Variants in CFAP92 observed in about 807,000 individuals in gnomAD.
CFAP92 encodes the protein cilia and flagella associated protein 92 (putative), also known as uncharacterized protein CFAP92.
A neutral mutation model predicts 106.3 loss-of-function variants in CFAP92; 86 were observed. The ratio of observed to expected loss-of-function variants is 0.81; its 90% confidence interval spans 0.68 to 0.97. The LOEUF (loss-of-function observed/expected upper bound fraction) is 0.97, where lower values mean the gene tolerates loss of function less well. Ranked by LOEUF, CFAP92 falls within the 50% of genes least tolerant of loss-of-function variation. The pLI is 0.00. For missense variants in CFAP92, 1,204 were observed against 1,283.8 expected (o/e 0.94, Z 0.95); for synonymous variants, 477 against 506.4 (o/e 0.94, Z 0.78).
chr3:129,010,448 C>CT, the CFAP92 span, among the ~76,000 whole-genome samples: 1 of 151,912 alleles, frequency 6.6e-6, no homozygotes, highest in African/African-American at 2.4e-5. This position sits in a 1 kb window ranked among gnomAD's most constrained non-coding sequence, Gnocchi z 4.3. Context: ...GGAGGAGAGG[C>CT]CTGGCGGCCT....
At chr3:128,931,857 TA>T (rs540031655) in intron 12 of CFAP92, among the ~76,000 whole-genome samples, 2 of 149,094 alleles carry the variant, frequency 1.3e-5, no homozygotes, top group Admixed American at 6.7e-5. Context: ...ACCCAATCTC[TA>T]AAAAAAAAGT....
At chr3:128,973,532 T>C (rs1454837170) in intron 7 of CFAP92, among the ~76,000 whole-genome samples, 1 of 151,994 alleles carries the variant, frequency 6.6e-6, no homozygotes, top group Non-Finnish European at 1.5e-5. Context: ...AGCACATGCC[T>C]GTAACCCCAG....
the CFAP92 span, among the ~76,000 whole-genome samples, chr3:129,008,957 T>C: frequency 2.8e-5 from 4 of 141,808 alleles, no homozygotes; most frequent in African/African-American, 1.0e-4. Flanking sequence ...CACAAAATAG[T>C]CCATCCCCAC....
At chr3:128,962,563 C>A (rs886295268) in intron 9 of CFAP92, among the ~76,000 whole-genome samples, 2 of 152,114 alleles carry the variant, frequency 1.3e-5, no homozygotes. Flanking sequence ...TCCTTTGCGT[C>A]CTCCTCTTGT....
chr3:128,959,185 G>T (rs1047047261), intron 9 of CFAP92, among the ~76,000 whole-genome samples: 2 of 151,954 alleles, frequency 1.3e-5, no homozygotes, highest in African/African-American at 4.8e-5. Context: ...ACTCCAGCCT[G>T]GGCAACAAGA....
intron 6 of CFAP92, 35 bp downstream of exon 6, chr3:128,976,944 C>T (rs894963416): frequency 2.6e-6 from 4 of 1,546,808 alleles, no homozygotes; most frequent in Non-Finnish European, 3.6e-6. Flanking sequence ...AGAGGGGCTC[C>T]ACTCCCACCA....
chr3:128,951,176 A>G (rs1017451593), intron 9 of CFAP92, among the ~76,000 whole-genome samples: 3 of 152,046 alleles, frequency 2.0e-5, no homozygotes, highest in Admixed American at 6.6e-5. Flanking sequence ...CAGAGGTTGC[A>G]GTGAGCTGAG....
At chr3:128,927,125 C>T (rs73210618) in intron 12 of CFAP92, among the ~76,000 whole-genome samples, 6,306 of 152,072 alleles carry the variant, frequency 0.041, 172 homozygotes, top group Non-Finnish European at 0.058. Context: ...ATTAGAGACT[C>T]TCTCCATTCA....
rs188862993 is a variant in CFAP92 at position 128,934,961 on chromosome 3, G to A, written c.2453+164C>T. 5.9e-3 allele frequency among the ~76,000 whole-genome samples: 904 copies of A among 152,256 alleles called. 8 individuals are homozygous for A. The highest frequency in any genetic ancestry group is 0.021 in the African/African-American group (854 of 41,548). On this transcript the variant is annotated intron_variant, in intron 11 of 15. Transcript: ENST00000645291. ...AGGACATGCCCCAAGAACAGTAGAC[G>A]CCACAGAGTCACAGCATCTGGGCGG...
intron 10 of CFAP92, among the ~76,000 whole-genome samples, chr3:128,938,956 G>A: frequency 6.6e-6 from 1 of 152,176 alleles, no homozygotes; most frequent in South Asian, 2.1e-4. Context: ...CCTAGAACCA[G>A]TGAGTTTCAG....
rs375968133 is a variant in CFAP92 at position 128,999,239 on chromosome 3, C to T, written n.117+3335G>A. Among the ~76,000 whole-genome samples the T allele has an allele frequency of 1.4e-4, 21 of 152,316 alleles. 1 individual carries two copies. The highest frequency in any genetic ancestry group is 4.6e-4 in the Admixed American group (7 of 15,304). On this transcript the variant is annotated intron_variant and non_coding_transcript_variant, in intron 1 of 4. Coordinates refer to the CFAP92 transcript ENST00000510149. ...CTCACTTTGAACCTTAAACAAAAAC[C>T]TTGTGGATGCAACCAGAATTATTTC...
At chr3:129,022,410 A>AG in the CFAP92 span, among the ~76,000 whole-genome samples, 1 of 152,172 alleles carries the variant, frequency 6.6e-6, no homozygotes, top group Admixed American at 6.5e-5. Flanking sequence ...GAACTGAAGG[A>AG]GGGGTCTGTT....
intron 10 of CFAP92, among the ~76,000 whole-genome samples, chr3:128,938,651 G>A (rs868094482): frequency 2.0e-4 from 30 of 151,790 alleles, no homozygotes; most frequent in African/African-American, 6.5e-4. Context: ...CCACCACCAC[G>A]CCCGGCTAAT....
the CFAP92 span, among the ~76,000 whole-genome samples, chr3:129,011,563 A>G: frequency 6.6e-6 from 1 of 152,110 alleles, no homozygotes; most frequent in East Asian, 1.9e-4. Flanking sequence ...AAAAAAAAAA[A>G]AAAGAATGAA....
rs556402631 is a variant in CFAP92, at chr3:128,964,837, C to T, written c.1353+674G>A. ...GGTTCCCACGCTGCCCCTAATCCCG[C>T]TTGAAGCAGCCCTGAGAAACATCGC... On this transcript the variant is annotated intron_variant, in intron 9 of 15. Transcript: ENST00000645291. Among the ~76,000 whole-genome samples the T allele has an allele frequency of 3.1e-4, 47 of 152,302 alleles. No homozygotes were observed. The East Asian group carries it at 5.4e-3, about 17-fold the overall frequency.
At chr3:129,008,962 C>G in the CFAP92 span, among the ~76,000 whole-genome samples, 9 of 149,860 alleles carry the variant, frequency 6.0e-5, no homozygotes, top group South Asian at 1.9e-3. Flanking sequence ...AATAGTCCAT[C>G]CCCACACACA....
At chr3:129,018,830 G>A in the CFAP92 span, among the ~76,000 whole-genome samples, 5 of 152,186 alleles carry the variant, frequency 3.3e-5, no homozygotes, top group African/African-American at 9.7e-5. Context: ...CATTGGCGGC[G>A]TTGTGGCACA....
Position 128,982,363 on chromosome 3 carries a change from C to T in CFAP92, c.668-4178G>A, listed in dbSNP as rs138341529. On this transcript the variant is annotated intron_variant, in intron 4 of 15. Coordinates refer to ENST00000645291, the MANE Select transcript of CFAP92 (RefSeq NM_001394090.1). The stretch of plus-strand genomic sequence containing the variant: ...AAGTTGTCTTTTGCAGCGTCCTCAC[C>T]TCTCTCAGCCTTCATGGAACTGAAG... 2.2e-3 allele frequency among the ~76,000 whole-genome samples: 330 copies of T among 152,340 alleles called. 1 individual carries two copies. Among genetic ancestry groups the T allele is most frequent in the Non-Finnish European group, 4.2e-3 (284 of 68,036 alleles).
chr3:128,965,818 T>TA (rs544351977), intron 8 of CFAP92, 123 bp from the exon 9 acceptor site: 7,045 of 321,096 alleles, frequency 0.022, 10 homozygotes, highest in African/African-American at 0.027. Context: ...AAACTTTAAT[T>TA]AAAAAAAAAA....
Sources: gnomAD v4.1 joint callset for allele counts (sites outside exome capture counted in the v4.1 genomes callset) on GRCh38, gnomAD v4.1.1 for gene constraint, Gnocchi (gnomAD v3.1) non-coding constraint, MANE v1.5 for transcripts, NCBI Gene and HGNC (gene_info 2026-07-23, HGNC 2026-07-21) for gene names.